The following ADCY8 variants were observed in gnomAD, a reference collection of about 807,000 sequenced individuals.
The protein encoded by ADCY8 is adenylate cyclase type 8.
ADCY8 carries 51 observed loss-of-function variants against 119.7 expected under a neutral mutation model. The observed-to-expected ratio is 0.43, with a 90% CI of 0.34 to 0.54. ADCY8 has a LOEUF of 0.54. Among genes scored for constraint, ADCY8 ranks in the 20% least tolerant of loss-of-function variants. The pLI, the probability that ADCY8 is intolerant of heterozygous loss-of-function variation, is 0.03. For synonymous variants in ADCY8, 665 were observed against 651.0 expected (o/e 1.02, Z -0.33); for missense variants, 1,383 against 1,598.8 (o/e 0.87, Z 2.30).
intron 1 of ADCY8, among the ~76,000 whole-genome samples, chr8:131,038,983 G>A (rs1824257396): frequency 6.6e-6 from 1 of 152,144 alleles, no homozygotes; most frequent in Non-Finnish European, 1.5e-5. Flanking sequence ...ACCCTGCTGC[G>A]ACTCTCCTGA....
At chr8:130,968,434 G>C (rs1821828829) in intron 2 of ADCY8, among the ~76,000 whole-genome samples, 1 of 152,156 alleles carries the variant, frequency 6.6e-6, no homozygotes. Flanking sequence ...GCCTCCCAAA[G>C]TGCTGGGATT....
At chr8:131,016,708 G>A (rs1385925936) in intron 1 of ADCY8, among the ~76,000 whole-genome samples, 1 of 152,094 alleles carries the variant, frequency 6.6e-6, no homozygotes, top group African/African-American at 2.4e-5. Context: ...GAAAGAGAGA[G>A]AGAGTATGTG....
intron 1 of ADCY8, among the ~76,000 whole-genome samples, chr8:131,033,196 T>C (rs1824047624): frequency 6.6e-6 from 1 of 152,212 alleles, no homozygotes; most frequent in Non-Finnish European, 1.5e-5. Flanking sequence ...TAAACACATG[T>C]AGAATCAACT....
chr8:130,907,410 C>T (rs1368807706), intron 6 of ADCY8, among the ~76,000 whole-genome samples: 3 of 152,118 alleles, frequency 2.0e-5, no homozygotes, highest in Non-Finnish European at 4.4e-5. Context: ...TCTGGGGTCC[C>T]GTTTTGACAT....
chr8:130,932,964 A>C (rs1217033790), intron 5 of ADCY8, among the ~76,000 whole-genome samples: 2 of 152,180 alleles, frequency 1.3e-5, no homozygotes, highest in Non-Finnish European at 2.9e-5. Flanking sequence ...TAAACAAGGA[A>C]ATTATTGGAG....
At chr8:131,023,337 C>G (rs191779309) in intron 1 of ADCY8, among the ~76,000 whole-genome samples, 2 of 152,290 alleles carry the variant, frequency 1.3e-5, no homozygotes, top group African/African-American at 4.8e-5. Context: ...ACCTTACTCT[C>G]CTTTTAGGAA....
intron 1 of ADCY8, among the ~76,000 whole-genome samples, chr8:131,002,719 A>C (rs886415976): frequency 6.6e-6 from 1 of 152,146 alleles, no homozygotes; most frequent in Admixed American, 6.5e-5. Flanking sequence ...TAAAAGTAAA[A>C]TAAATAAAAG....
intron 2 of ADCY8, among the ~76,000 whole-genome samples, chr8:130,981,586 G>A (rs1423927499): frequency 6.6e-6 from 1 of 152,004 alleles, no homozygotes; most frequent in Non-Finnish European, 1.5e-5. Flanking sequence ...CTGGATCAAA[G>A]GTGTTGAGGT....
intron 5 of ADCY8, among the ~76,000 whole-genome samples, chr8:130,926,854 T>G (rs1820483753): frequency 6.6e-6 from 1 of 152,042 alleles, no homozygotes; most frequent in Non-Finnish European, 1.5e-5. Flanking sequence ...GTGCTTAGCT[T>G]ATATTTTTTA....
At chr8:130,781,702 G>A (rs1261187680) in intron 17 of ADCY8, among the ~76,000 whole-genome samples, 1 of 152,094 alleles carries the variant, frequency 6.6e-6, no homozygotes, top group African/African-American at 2.4e-5. Flanking sequence ...CCCTGCTTGT[G>A]CTATTACTTC....
intron 12 of ADCY8, among the ~76,000 whole-genome samples, chr8:130,822,736 T>A (rs561359992): frequency 6.6e-6 from 1 of 152,302 alleles, no homozygotes; most frequent in Admixed American, 6.5e-5. Flanking sequence ...AGACATGAGG[T>A]TTGGACTCGT....
rs1408486254 is a variant in ADCY8 at position 131,003,216 on chromosome 8, A to ACACACACACG, written c.961-12675_961-12674insCGTGTGTGTG. Among the ~76,000 whole-genome samples, 347 of 151,900 alleles carry ACACACACACG rather than the reference A, an allele frequency of 2.3e-3. 3 individuals are homozygous for ACACACACACG. The highest frequency in any genetic ancestry group is 8.1e-3 in the African/African-American group (335 of 41,378). On this transcript the variant is annotated intron_variant, in intron 1 of 17. Coordinates refer to ENST00000286355, the MANE Select transcript of ADCY8 (RefSeq NM_001115.3). ...AAGAGTGAAACACCATCACACACAC[A>ACACACACACG]CACACACACACACACACACACACAA...
intron 2 of ADCY8, among the ~76,000 whole-genome samples, chr8:130,972,825 C>G (rs1047001422): frequency 1.7e-5 from 2 of 120,578 alleles, no homozygotes; most frequent in Admixed American, 9.4e-5. Flanking sequence ...AGCTGAGTGA[C>G]CTTCCTTCAG....
At chr8:130,823,315 T>A (rs1369770112) in intron 12 of ADCY8, among the ~76,000 whole-genome samples, 1 of 152,204 alleles carries the variant, frequency 6.6e-6, no homozygotes, top group Non-Finnish European at 1.5e-5. Flanking sequence ...CTGCAGAATA[T>A]GCACAGTAAG....
chr8:130,886,186 G>A (rs188246992), intron 7 of ADCY8, among the ~76,000 whole-genome samples: 8 of 152,132 alleles, frequency 5.3e-5, no homozygotes, highest in East Asian at 3.9e-4. Context: ...GGCTCATCAC[G>A]GCTAGACTTT....
At chr8:130,951,383 T>C (rs1821265788) in intron 3 of ADCY8, among the ~76,000 whole-genome samples, 1 of 152,122 alleles carries the variant, frequency 6.6e-6, no homozygotes, top group African/African-American at 2.4e-5. Flanking sequence ...AGTGGGAAGA[T>C]ACATGGATGG....
At chr8:130,937,518 G>T (rs1269021106) in intron 4 of ADCY8, among the ~76,000 whole-genome samples, 1 of 152,142 alleles carries the variant, frequency 6.6e-6, no homozygotes, top group African/African-American at 2.4e-5. Context: ...CTGACAGAGT[G>T]CTCATAGTAT....
chr8:130,850,775 T>A (rs1462791545), intron 9 of ADCY8, among the ~76,000 whole-genome samples: 1 of 152,210 alleles, frequency 6.6e-6, no homozygotes, highest in Non-Finnish European at 1.5e-5. Flanking sequence ...TGAACTCACC[T>A]TCTTTTCCTA....
At chr8:130,897,926 A>G (rs1456461455) in intron 7 of ADCY8, among the ~76,000 whole-genome samples, 1 of 151,172 alleles carries the variant, frequency 6.6e-6, no homozygotes, top group Admixed American at 6.6e-5. Flanking sequence ...ACATATACAC[A>G]CCATGTACAA....
Sources: gnomAD v4.1 joint callset for allele counts (sites outside exome capture counted in the v4.1 genomes callset) on GRCh38, gnomAD v4.1.1 for gene constraint, MANE v1.5 for transcripts, NCBI Gene and HGNC (gene_info 2026-07-23, HGNC 2026-07-21) for gene names.